The following OPCML variants were observed in gnomAD, a reference collection of about 807,000 sequenced individuals.
OPCML encodes the protein opioid binding protein/cell adhesion molecule like.
In OPCML, 13 loss-of-function variants were observed where a neutral mutation model predicts 37.8. The observed-to-expected ratio is 0.34, with a 90% CI of 0.22 to 0.55. The LOEUF (loss-of-function observed/expected upper bound fraction) is 0.55, where lower values mean the gene tolerates loss of function less well. OPCML is among the 20% of genes least tolerant of loss of function. The probability of loss-of-function intolerance (pLI) is 0.91; values close to 1 mark genes in which losing one functional copy is unlikely to be tolerated. For missense variants in OPCML, 341 were observed against 435.6 expected (o/e 0.78, Z 1.93); for synonymous variants, 176 against 168.8 (o/e 1.04, Z -0.33).
chr11:132,618,905 T>C (rs1939204194), intron 3 of OPCML, among the ~76,000 whole-genome samples: 1 of 151,424 alleles, frequency 6.6e-6, no homozygotes, highest in Non-Finnish European at 1.5e-5. Flanking sequence ...CAGAATAATC[T>C]CCTAAAAAGT....
At chr11:133,467,013 A>G (rs920845425) in intron 1 of OPCML, among the ~76,000 whole-genome samples, 11 of 152,196 alleles carry the variant, frequency 7.2e-5, no homozygotes, top group African/African-American at 2.7e-4. Flanking sequence ...TTCTTCCCCA[A>G]AAAAGTTCAT....
chr11:132,842,130 A>C (rs1941318522), intron 2 of OPCML, among the ~76,000 whole-genome samples: 1 of 152,142 alleles, frequency 6.6e-6, no homozygotes, highest in Non-Finnish European at 1.5e-5. Context: ...TTATTCCCTC[A>C]ATCAAGGTCC....
chr11:133,495,746 G>A (rs1947772140), intron 1 of OPCML, among the ~76,000 whole-genome samples: 1 of 150,938 alleles, frequency 6.6e-6, no homozygotes, highest in South Asian at 2.1e-4. Flanking sequence ...CCTTTTGATG[G>A]GATTTTTTTT....
chr11:132,859,336 C>G (rs1159318335), intron 2 of OPCML: 3 of 152,188 alleles, frequency 2.0e-5, no homozygotes, highest in Non-Finnish European at 4.4e-5. Flanking sequence ...GACTTTAGGT[C>G]ACCATGCCTT....
chr11:132,458,581 T>A (rs1001722804), intron 4 of OPCML, among the ~76,000 whole-genome samples: 2 of 152,240 alleles, frequency 1.3e-5, no homozygotes, highest in African/African-American at 2.4e-5. Context: ...CAACTTGCTT[T>A]GTAGTATTAT....
Position 132,897,489 on chromosome 11 carries a change from G to T in OPCML, c.146+45437C>A, listed in dbSNP as rs140599675. ...ATGAAGAAATGCCCCAAATGTCCTT[G>T]GTGTCTACTCCTATCACACTGCCTT... On this transcript the variant is annotated intron_variant, in intron 2 of 7. Transcript: ENST00000524381. Among the ~76,000 whole-genome samples the T allele has an allele frequency of 2.0e-4, 30 of 152,292 alleles. No homozygotes were observed. The East Asian group carries it at 5.8e-3, about 29-fold the overall frequency.
chr11:132,615,468 A>G lies in OPCML; in HGVS notation c.379+41619T>C, dbSNP rs573312014. ...TTGGCTCTCTTTATCAGCGAGTTCC[A>G]TGTCCACAGATTTAACCAACCACAG... On this transcript the variant is annotated intron_variant, in intron 3 of 7. Transcript: ENST00000524381. Among the ~76,000 whole-genome samples, 26 of 152,334 alleles carry G rather than the reference A, an allele frequency of 1.7e-4. No individual in the cohort carries two copies. The South Asian group carries it at 4.4e-3, about 25-fold the overall frequency.
chr11:133,083,712 G>C (rs143270701), intron 1 of OPCML, among the ~76,000 whole-genome samples: 538 of 152,316 alleles, frequency 3.5e-3, no homozygotes, highest in African/African-American at 0.013. Flanking sequence ...CCACTGGGGA[G>C]AGACCACATC....
chr11:133,160,704 G>T (rs1422639456), intron 1 of OPCML, among the ~76,000 whole-genome samples: 1 of 152,196 alleles, frequency 6.6e-6, no homozygotes, highest in Non-Finnish European at 1.5e-5. Flanking sequence ...TGGACTGAGA[G>T]CCTGGTGAGG....
chr11:133,487,917 A>G (rs1484395275), intron 1 of OPCML, among the ~76,000 whole-genome samples: 1 of 152,144 alleles, frequency 6.6e-6, no homozygotes, highest in African/African-American at 2.4e-5. Context: ...TCAAAAAGAT[A>G]ATGCACCATC....
intron 1 of OPCML, among the ~76,000 whole-genome samples, chr11:133,034,751 C>CTTTT (rs5795815): frequency 1.2e-3 from 164 of 141,760 alleles, no homozygotes; most frequent in East Asian, 9.0e-3. Context: ...GTTTTTTTTC[C>CTTTT]TTTTTTTTTT....
At chr11:132,582,648 T>C (rs980170816) in intron 3 of OPCML, among the ~76,000 whole-genome samples, 2 of 151,978 alleles carry the variant, frequency 1.3e-5, no homozygotes, top group Admixed American at 6.6e-5. Context: ...GAAGGAAGAA[T>C]GGACTCTTAA....
chr11:133,110,739 C>G (rs772789517), intron 1 of OPCML, among the ~76,000 whole-genome samples: 1 of 152,102 alleles, frequency 6.6e-6, no homozygotes, highest in Non-Finnish European at 1.5e-5. Flanking sequence ...TTTTTCCTAC[C>G]CCCAAACTTC....
intron 7 of OPCML, among the ~76,000 whole-genome samples, chr11:132,434,955 G>A (rs866284572): frequency 2.0e-5 from 3 of 152,276 alleles, no homozygotes; most frequent in Middle Eastern, 3.4e-3. Flanking sequence ...AACACATAAA[G>A]CTATTCCACA....
chr11:132,592,110 C>T (rs541462810), intron 3 of OPCML, among the ~76,000 whole-genome samples: 6 of 152,302 alleles, frequency 3.9e-5, no homozygotes, highest in African/African-American at 7.2e-5. Flanking sequence ...GAAAGCTATA[C>T]GAAGAGCAAT....
chr11:132,459,151 A>G (rs1939953), intron 4 of OPCML, among the ~76,000 whole-genome samples: 15,283 of 152,132 alleles, frequency 0.1, 2,195 homozygotes, highest in African/African-American at 0.32. Flanking sequence ...CTGCCTGCTC[A>G]GGCTGGAACA....
chr11:133,196,424 C>T (rs191307817), intron 1 of OPCML, among the ~76,000 whole-genome samples: 8 of 152,316 alleles, frequency 5.3e-5, no homozygotes, highest in African/African-American at 1.4e-4. Flanking sequence ...GAGAGATGCT[C>T]ATACATATTC....
Position 133,212,861 on chromosome 11 carries a change from A to G in OPCML, c.62-269851T>C, listed in dbSNP as rs1797568947. On this transcript the variant is annotated intron_variant, in intron 1 of 7. Transcript: ENST00000524381. The surrounding 1 kb of genome is among the most constrained non-coding windows in gnomAD (Gnocchi z 4.9). ...CTGCACCCTTTGTATGGGTTTCCATACTCTAAAATTCCACGTTTGTATCTG... is the reference window on the plus strand; with the variant it reads ...CTGCACCCTTTGTATGGGTTTCCATGCTCTAAAATTCCACGTTTGTATCTG... 6.6e-6 allele frequency among the ~76,000 whole-genome samples: 1 copy of G among 151,958 alleles called. No individual in the cohort carries two copies. The highest frequency in any genetic ancestry group is 2.4e-5 in the African/African-American group (1 of 41,370).
chr11:132,799,319 A>C (rs80115187), intron 2 of OPCML, among the ~76,000 whole-genome samples: 2,421 of 152,256 alleles, frequency 0.016, 27 homozygotes, highest in Middle Eastern at 0.031. Context: ...CACCTTGCAC[A>C]TTTATGGAGA....
Sources: allele counts gnomAD v4.1 joint callset (sites outside exome capture counted in the v4.1 genomes callset), GRCh38; gene constraint gnomAD v4.1.1; non-coding constraint Gnocchi (gnomAD v3.1); transcripts MANE v1.5; gene names NCBI Gene and HGNC (gene_info 2026-07-23, HGNC 2026-07-21).